PAG1: variants seen among roughly 807,000 people sequenced by gnomAD.
The protein encoded by PAG1 is phosphoprotein membrane anchor with glycosphingolipid microdomains 1.
In PAG1, 23 loss-of-function variants were observed where a neutral mutation model predicts 31.7. That is an observed-to-expected ratio of 0.73 (90% confidence interval 0.52 to 1.03). The LOEUF is 1.03. Ranked by LOEUF, PAG1 falls within the 50% of genes least tolerant of loss-of-function variation. PAG1 has a pLI of 0.00. For missense variants in PAG1, 473 were observed against 540.7 expected (o/e 0.87, Z 1.24); for synonymous variants, 214 against 210.3 (o/e 1.02, Z -0.15).
At chr8:81,044,989 A>G (rs1465646397) in intron 2 of PAG1, among the ~76,000 whole-genome samples, 3 of 151,968 alleles carry the variant, frequency 2.0e-5, no homozygotes, top group South Asian at 2.1e-4. Flanking sequence ...TTTTGCTGCT[A>G]TTTTGCACTT....
intron 3 of PAG1, among the ~76,000 whole-genome samples, chr8:80,993,599 CTTTTTTTT>C (rs56960149): frequency 7.4e-6 from 1 of 135,936 alleles, no homozygotes; most frequent in Non-Finnish European, 1.6e-5. Flanking sequence ...TCTTCTTGTT[CTTTTTTTT>C]TTTTTTTTTT....
chr8:80,976,413 A>C lies in PAG1; in HGVS notation c.*131T>G, dbSNP rs1807180138. The C allele has an allele frequency of 1.1e-6, 1 of 893,014 alleles. No homozygotes were observed. Among genetic ancestry groups the C allele is most frequent in the African/African-American group, 1.7e-5 (1 of 60,106 alleles). 55.3% of individuals were successfully genotyped at this position (893,014 alleles called of 1,614,324 possible). A position where few individuals can be genotyped will look rare whatever the true frequency, so the allele number is the denominator to read the frequency against. ...CTGAACAACTGGGAGAACAGTCGAC[A>C]GGGCCTCTCCAACCATCTTCAGGTG... On this transcript the variant is annotated 3_prime_UTR_variant, in exon 9 of 9. Transcript: ENST00000220597.
chr8:81,059,910 TG>T (rs1476135688), intron 2 of PAG1, among the ~76,000 whole-genome samples: 1 of 151,556 alleles, frequency 6.6e-6, no homozygotes, highest in African/African-American at 2.4e-5. Context: ...CAGCTACTTG[TG>T]GGGGGCTGAG....
chr8:81,106,548 ATC>A, intron 1 of PAG1, among the ~76,000 whole-genome samples: 1 of 152,214 alleles, frequency 6.6e-6, no homozygotes, highest in Non-Finnish European at 1.5e-5. Flanking sequence ...GGTTAAAAAA[ATC>A]ATACAGTCCT....
intron 1 of PAG1, among the ~76,000 whole-genome samples, chr8:81,100,659 C>G (rs1186409131): frequency 6.6e-6 from 1 of 152,210 alleles, no homozygotes; most frequent in Non-Finnish European, 1.5e-5. Flanking sequence ...TTTCAAAATG[C>G]CTTTCATGCT....
chr8:81,019,348 G>A (rs1254608093), intron 3 of PAG1, among the ~76,000 whole-genome samples: 1 of 152,248 alleles, frequency 6.6e-6, no homozygotes, highest in African/African-American at 2.4e-5. Flanking sequence ...TGGTGAAAAT[G>A]TCTCCAGGGC....
chr8:80,985,912 C>T (rs1466506765), intron 6 of PAG1, among the ~76,000 whole-genome samples: 3 of 152,060 alleles, frequency 2.0e-5, no homozygotes, highest in African/African-American at 7.3e-5. Flanking sequence ...GCACCTCATA[C>T]CTTGCTTCCA....
At chr8:80,984,674 TG>T in intron 7 of PAG1, 101 bp downstream of exon 7, 1 of 1,120,410 alleles carries the variant, frequency 8.9e-7, no homozygotes, top group Non-Finnish European at 1.3e-6. Flanking sequence ...TTCAACAAAC[TG>T]GAAAGTGTTT....
chr8:81,042,868 C>A (rs1481926852), intron 2 of PAG1, among the ~76,000 whole-genome samples: 1 of 152,070 alleles, frequency 6.6e-6, no homozygotes. Context: ...CACTCTTTAG[C>A]AGAAGAGATT....
At chr8:81,073,824 G>A (rs1347521835) in intron 1 of PAG1, among the ~76,000 whole-genome samples, 1 of 152,222 alleles carries the variant, frequency 6.6e-6, no homozygotes, top group East Asian at 1.9e-4. Context: ...GGTAGGGACT[G>A]CCTGGGGAGT....
intron 3 of PAG1, among the ~76,000 whole-genome samples, chr8:81,015,726 A>G (rs1379343303): frequency 6.6e-6 from 1 of 152,162 alleles, no homozygotes. Context: ...CTTTTTCTTC[A>G]CAGGATTGTT....
intron 3 of PAG1, among the ~76,000 whole-genome samples, chr8:81,017,395 G>C (rs1224916922): frequency 6.6e-6 from 1 of 152,170 alleles, no homozygotes. Context: ...CTGATACTTA[G>C]CAGGTGCGCT....
intron 2 of PAG1, among the ~76,000 whole-genome samples, chr8:81,032,883 G>A (rs1808399232): frequency 6.6e-6 from 1 of 152,146 alleles, no homozygotes; most frequent in Admixed American, 6.5e-5. Context: ...ATAGTATTCA[G>A]CCATAAAATA....
intron 7 of PAG1, 41 bp downstream of exon 7, chr8:80,984,735 A>G (rs1406722635): frequency 2.5e-6 from 4 of 1,585,770 alleles, no homozygotes; most frequent in Non-Finnish European, 2.6e-6. Context: ...CCTAACCAGA[A>G]CAGGAACCCA....
At position 80,974,505 on chromosome 8, in the gene PAG1, G is replaced by A. The variant is rs1175521417; in HGVS notation, c.*2039C>T. On this transcript the variant is annotated 3_prime_UTR_variant, in exon 9 of 9. Coordinates refer to ENST00000220597, the MANE Select transcript of PAG1 (RefSeq NM_018440.4). ...CAGTGATGATTGTGCTTATGCACACGACATCTTCATGGGAGAGACCAGGCT... is the reference window on the plus strand; with the variant it reads ...CAGTGATGATTGTGCTTATGCACACAACATCTTCATGGGAGAGACCAGGCT... 6.6e-6 allele frequency: 1 copy of A among 152,178 alleles called. No homozygotes were observed. Among genetic ancestry groups the A allele is most frequent in the Non-Finnish European group, 1.5e-5 (1 of 68,040 alleles). 9.4% of individuals were successfully genotyped at this position (152,178 alleles called of 1,614,324 possible). A position where few individuals can be genotyped will look rare whatever the true frequency, so the allele number is the denominator to read the frequency against.
At chr8:81,030,196 C>T (rs1808356251) in intron 2 of PAG1, 107 bp from the exon 3 acceptor site, 1 of 152,230 alleles carries the variant, frequency 6.6e-6, no homozygotes, top group Non-Finnish European at 1.5e-5. Flanking sequence ...ATGCCAAACA[C>T]TGAGATTTAT....
chr8:81,096,613 T>C (rs971525801), intron 1 of PAG1, among the ~76,000 whole-genome samples: 3 of 152,230 alleles, frequency 2.0e-5, no homozygotes, highest in African/African-American at 7.2e-5. Context: ...AGAACTTTAA[T>C]TGGTTCTGCT....
At chr8:81,038,535 A>G (rs7839781) in intron 2 of PAG1, among the ~76,000 whole-genome samples, 79,445 of 152,010 alleles carry the variant, frequency 0.52, 23,388 homozygotes, top group Non-Finnish European at 0.66. Flanking sequence ...AGGGGTATGC[A>G]GGGCCGTGTG....
intron 1 of PAG1, among the ~76,000 whole-genome samples, chr8:81,091,097 A>G (rs1410206797): frequency 6.6e-6 from 1 of 152,228 alleles, no homozygotes; most frequent in Non-Finnish European, 1.5e-5. Flanking sequence ...AGCAGATTCA[A>G]TATTTAATAG....
Sources: gnomAD v4.1 joint callset for allele counts (sites outside exome capture counted in the v4.1 genomes callset) on GRCh38, gnomAD v4.1.1 for gene constraint, MANE v1.5 for transcripts, NCBI Gene and HGNC (gene_info 2026-07-23, HGNC 2026-07-21) for gene names.